Variants in ADAMTS18 observed in about 807,000 individuals in gnomAD.
ADAMTS18 encodes the protein A disintegrin and metalloproteinase with thrombospondin motifs 18.
ADAMTS18 carries 157 observed loss-of-function variants against 165.9 expected under a neutral mutation model. That is an observed-to-expected ratio of 0.95 (90% CI 0.83 to 1.08). The LOEUF is 1.08. ADAMTS18 is among the 50% of genes least tolerant of loss of function. ADAMTS18 has a pLI of 0.00. For missense variants in ADAMTS18, 2,040 were observed against 1,534.0 expected (o/e 1.33, Z -5.51); for synonymous variants, 782 against 578.2 (o/e 1.35, Z -5.06).
chr16:77,431,925 G>T (rs1187519111), intron 2 of ADAMTS18, among the ~76,000 whole-genome samples: 6 of 152,110 alleles, frequency 3.9e-5, no homozygotes, highest in African/African-American at 1.4e-4. Flanking sequence ...ATGTTTAATG[G>T]TCTGGGCCTT....
At chr16:77,352,132 AT>A in intron 10 of ADAMTS18, among the ~76,000 whole-genome samples, 1 of 152,276 alleles carries the variant, frequency 6.6e-6, no homozygotes, top group Non-Finnish European at 1.5e-5. Context: ...CATCCGGAAA[AT>A]TTTTTAATAG....
intron 16 of ADAMTS18, among the ~76,000 whole-genome samples, chr16:77,305,124 C>CG (rs1555510326): frequency 9.9e-4 from 1 of 1,010 alleles, no homozygotes; most frequent in Non-Finnish European, 2.2e-3. Flanking sequence ...AGTACCAAGA[C>CG]AAATATATAA....
intron 3 of ADAMTS18, among the ~76,000 whole-genome samples, chr16:77,370,281 G>A (rs1410616494): frequency 6.6e-6 from 1 of 152,144 alleles, no homozygotes; most frequent in Non-Finnish European, 1.5e-5. Context: ...ACTTAGAAAG[G>A]AAGAAGCCAA....
chr16:77,429,819 C>A (rs551927663), intron 3 of ADAMTS18, among the ~76,000 whole-genome samples: 87 of 152,286 alleles, frequency 5.7e-4, no homozygotes, highest in African/African-American at 1.9e-3. Flanking sequence ...CTGCCAGGAA[C>A]TGCTATGGCA....
intron 11 of ADAMTS18, among the ~76,000 whole-genome samples, chr16:77,337,698 T>C (rs571504329): frequency 2.4e-4 from 37 of 152,330 alleles, no homozygotes; most frequent in African/African-American, 7.5e-4. Flanking sequence ...ATTAACTTGA[T>C]GTTCTATTAC....
intron 3 of ADAMTS18, among the ~76,000 whole-genome samples, chr16:77,409,634 C>A (rs1272338047): frequency 1.3e-5 from 2 of 152,116 alleles, no homozygotes; most frequent in African/African-American, 4.8e-5. Context: ...ACCCTTAAAT[C>A]AACAGGTTTA....
chr16:77,349,796 C>T, intron 10 of ADAMTS18, among the ~76,000 whole-genome samples: 1 of 152,172 alleles, frequency 6.6e-6, no homozygotes, highest in East Asian at 1.9e-4. Context: ...TACACCGATC[C>T]TGCTATCCTT....
chr16:77,295,190 T>A, intron 18 of ADAMTS18, 63 bp from the exon 19 acceptor site: 1 of 1,573,244 alleles, frequency 6.4e-7, no homozygotes, highest in Non-Finnish European at 8.7e-7. Context: ...TCCAAAGCAG[T>A]TACTGTGAAA....
In ADAMTS18 at chr16:77,297,269, G is replaced by T. The variant is rs372148832; in HGVS notation, c.2801+20C>A. On this transcript the variant is annotated intron_variant, in intron 18 of 22. Coordinates refer to ENST00000282849, the MANE Select transcript of ADAMTS18 (RefSeq NM_199355.4). ...ATACAAGTACAAAACTAAACAAAAA[G>T]ACACTTCCAAATGACTTACTAAGCC... The T allele has an allele frequency of 2.5e-6, 4 of 1,613,910 alleles. No individual in the cohort carries two copies. The highest frequency in any genetic ancestry group is 1.1e-5 in the South Asian group (1 of 91,076).
At chr16:77,368,757 C>T (rs2056835540) in intron 3 of ADAMTS18, among the ~76,000 whole-genome samples, 1 of 152,050 alleles carries the variant, frequency 6.6e-6, no homozygotes. Context: ...AAAAAATCAG[C>T]AAGGATGGCA....
chr16:77,412,270 C>T (rs920410896), intron 3 of ADAMTS18, among the ~76,000 whole-genome samples: 3 of 152,270 alleles, frequency 2.0e-5, no homozygotes, highest in South Asian at 2.1e-4. Context: ...ATCTTCTCAA[C>T]GAGTCTTGGG....
At chr16:77,338,124 G>C (rs2056339774) in intron 11 of ADAMTS18, among the ~76,000 whole-genome samples, 1 of 152,056 alleles carries the variant, frequency 6.6e-6, no homozygotes, top group Non-Finnish European at 1.5e-5. Flanking sequence ...GGCTGGTCTT[G>C]AACTCCTGAC....
chr16:77,398,930 T>C lies in ADAMTS18; in HGVS notation c.496-31207A>G, dbSNP rs537342190. ...AGAAAAACCGTCATAGGGTAGCTGC[T>C]GCAGGGAGATGTTGAAAATACAAAA... On this transcript the variant is annotated intron_variant, in intron 3 of 22. Transcript: ENST00000282849. Among the ~76,000 whole-genome samples the C allele has an allele frequency of 1.3e-4, 20 of 152,304 alleles. No individual in the cohort carries two copies. The South Asian group carries it at 3.9e-3, about 30-fold the overall frequency.
chr16:77,424,588 G>A (rs902368355), intron 3 of ADAMTS18, among the ~76,000 whole-genome samples: 1 of 151,950 alleles, frequency 6.6e-6, no homozygotes, highest in Non-Finnish European at 1.5e-5. Context: ...AAGAACCTTG[G>A]CTCTTCTTTT....
rs181666795 is a variant in ADAMTS18, at chr16:77,356,614, C to G, written c.1323-537G>C. ...CACAAACTCTAATTGTAATTAAACT[C>G]TCTTATAATAAACATTTTTTTAACA... On this transcript the variant is annotated intron_variant, in intron 8 of 22. Coordinates refer to ENST00000282849, the MANE Select transcript of ADAMTS18 (RefSeq NM_199355.4). Among the ~76,000 whole-genome samples the G allele has an allele frequency of 2.2e-3, 323 of 144,066 alleles. 1 individual carries two copies. The highest frequency in any genetic ancestry group is 6.9e-3 in the Middle Eastern group (2 of 288). 94.5% of individuals were successfully genotyped at this position (144,066 alleles called of 152,430 possible).
chr16:77,334,188 T>TGTTATATATTATATATAATATA (rs2056245228), intron 12 of ADAMTS18, among the ~76,000 whole-genome samples: 5 of 75,584 alleles, frequency 6.6e-5, no homozygotes, highest in Non-Finnish European at 1.1e-4. Context: ...TAATATATAG[T>TGTTATATATTATATATAATATA]GTTATATATT....
At chr16:77,367,831 C>T in intron 3 of ADAMTS18, 108 bp from the exon 4 acceptor site, 1 of 1,268,094 alleles carries the variant, frequency 7.9e-7, no homozygotes, top group Non-Finnish European at 1.1e-6. Context: ...GGCACAGGAG[C>T]TAAAAGCTTC....
chr16:77,382,940 C>T (rs139428161), intron 3 of ADAMTS18, among the ~76,000 whole-genome samples: 9 of 152,314 alleles, frequency 5.9e-5, no homozygotes, highest in African/African-American at 2.2e-4. Flanking sequence ...ACCTCATATC[C>T]ATGTAAGTTG....
chr16:77,293,148 C>A lies in ADAMTS18; in HGVS notation c.3117G>T (p.Leu1039=), dbSNP rs758639413. ...ATCGTCCAAGCACACAGCCCTCCTG[C>A]AGCTCAGGTCTGGGGAGACTGGTAC... ...SQCTSLPRPE[L]QEGCVLGRCP... Residue 1039 remains leucine, a synonymous_variant, in exon 20 of 23, where the codon CTG becomes CTT. Coordinates refer to ENST00000282849, the MANE Select transcript of ADAMTS18 (RefSeq NM_199355.4). 4 of 1,614,040 alleles carry A rather than the reference C, an allele frequency of 2.5e-6. No homozygotes were observed. The Admixed American group carries it at 6.7e-5, about 27-fold the overall frequency.
Sources: gnomAD v4.1 joint callset for allele counts (sites outside exome capture counted in the v4.1 genomes callset) on GRCh38, gnomAD v4.1.1 for gene constraint, MANE v1.5 for transcripts, NCBI Gene and HGNC (gene_info 2026-07-23, HGNC 2026-07-21) for gene names.